Variants in PMS2 observed in about 807,000 individuals in gnomAD.
PMS2 encodes mismatch repair endonuclease PMS2.
Under a neutral mutation model 90.0 loss-of-function variants are expected in PMS2, and 69 were observed. The observed-to-expected ratio is 0.77, with a 90% confidence interval of 0.63 to 0.94. PMS2 has a LOEUF of 0.94. Ranked by LOEUF, PMS2 falls within the 40% of genes least tolerant of loss-of-function variation. The pLI is 0.00. For synonymous variants in PMS2, 332 were observed against 375.1 expected (o/e 0.89, Z 1.33); for missense variants, 966 against 1,040.2 (o/e 0.93, Z 0.98).
At chr7:5,999,693 G>C (rs1348041401) in intron 5 of PMS2, among the ~76,000 whole-genome samples, 4 of 152,132 alleles carry the variant, frequency 2.6e-5, no homozygotes, top group Non-Finnish European at 5.9e-5. Flanking sequence ...CTACTGAGGA[G>C]GCTGAGGTGG....
chr7:5,986,564 C>T (rs1782888755), intron 11 of PMS2, among the ~76,000 whole-genome samples, 195 bp downstream of exon 11: 1 of 150,370 alleles, frequency 6.7e-6, no homozygotes, highest in Non-Finnish European at 1.5e-5. Flanking sequence ...TGGTGGCGTG[C>T]ACCTGTAATC....
intron 2 of PMS2, 44 bp downstream of exon 2, chr7:6,005,848 A>G (rs1360516266): frequency 5.6e-6 from 9 of 1,610,074 alleles, no homozygotes; most frequent in African/African-American, 1.3e-5. Flanking sequence ...CTACAACAAC[A>G]TTCACAGATC....
At chr7:5,995,877 CA>C (rs1784342781) in intron 7 of PMS2, among the ~76,000 whole-genome samples, 1 of 152,130 alleles carries the variant, frequency 6.6e-6, no homozygotes, top group African/African-American at 2.4e-5. Flanking sequence ...GCAGTGCGTC[CA>C]AAACTGATGT....
intron 5 of PMS2, chr7:6,002,209 A>G (rs1178997080): frequency 5.0e-6 from 2 of 396,094 alleles, no homozygotes; most frequent in South Asian, 2.3e-5. Context: ...TTTTTTTAAA[A>G]TTTTTCATAG....
intron 1 of PMS2, among the ~76,000 whole-genome samples, chr7:6,007,115 G>A (rs28460012): frequency 4.0e-4 from 53 of 131,652 alleles, no homozygotes; most frequent in African/African-American, 1.4e-3. Flanking sequence ...TATTATTATT[G>A]TTATTATTGT....
chr7:6,002,639 G>A lies in PMS2; in HGVS notation c.354-3C>T, dbSNP rs587782632. On this transcript the variant is annotated splice_polypyrimidine_tract_variant and splice_region_variant and intron_variant, in intron 4 of 14. Coordinates refer to ENST00000265849, the MANE Select transcript of PMS2 (RefSeq NM_000535.7). Reference sequence around the variant, plus strand: ...GGCAGGTAGAAATGGTGACATCGCTGTGAGAGAATACCAGGCATGGTGTGT... The same window carrying A: ...GGCAGGTAGAAATGGTGACATCGCTATGAGAGAATACCAGGCATGGTGTGT... The A allele has an allele frequency of 1.9e-6, 3 of 1,609,420 alleles. No homozygotes were observed. The highest frequency in any genetic ancestry group is 2.2e-5 in the East Asian group (1 of 44,866).
chr7:6,005,659 G>A (rs527828138), intron 2 of PMS2, among the ~76,000 whole-genome samples: 15 of 152,124 alleles, frequency 9.9e-5, no homozygotes, highest in Non-Finnish European at 2.2e-4. Context: ...AAATATTTCT[G>A]TGCAATTCTT....
chr7:5,979,424 G>A lies in PMS2; in HGVS notation c.2175-728C>T, dbSNP rs983092177. Among the ~76,000 whole-genome samples the A allele has an allele frequency of 1.8e-4, 27 of 148,242 alleles. 1 individual carries two copies. Among genetic ancestry groups the A allele is most frequent in the Admixed American group, 1.6e-3 (24 of 14,958 alleles). ...AAAAAAAGTTCAAGTAGCTACAAAAGTAGTTTGCTTTTTCCTCAGCCTGCC... is the reference window on the plus strand; with the variant it reads ...AAAAAAAGTTCAAGTAGCTACAAAAATAGTTTGCTTTTTCCTCAGCCTGCC... On this transcript the variant is annotated intron_variant, in intron 12 of 14. Transcript: ENST00000265849.
At chr7:5,984,153 A>G (rs142127696) in intron 11 of PMS2, among the ~76,000 whole-genome samples, 2 of 151,932 alleles carry the variant, frequency 1.3e-5, no homozygotes, top group East Asian at 3.9e-4. Flanking sequence ...AGAACTACAT[A>G]TGTACTTCTT....
intron 8 of PMS2, among the ~76,000 whole-genome samples, chr7:5,993,387 A>AG (rs71008345): frequency 0.13 from 15,516 of 121,942 alleles, 794 homozygotes; most frequent in Middle Eastern, 0.16. Context: ...AAAAAAAAAA[A>AG]AAAGAAAGAA....
chr7:6,002,512 G>A lies in PMS2; in HGVS notation c.478C>T (p.Gln160Ter), dbSNP rs36038802. The part of the protein sequence containing the change: ...PRPRGTTVSV[Q>*]QLFSTLPVRH... The stretch of plus-strand genomic sequence containing the variant: ...ACAGGTAGTGTGGAAAATAACTGCT[G>A]CACGCTGACTGTGGTCCCTCTGGGG... Residue 160 changes from glutamine (Q) to a stop codon, truncating the protein, a stop_gained, in exon 5 of 15, where the codon CAG becomes TAG. Transcript: ENST00000265849. LOFTEE classifies it high-confidence loss of function. The A allele has an allele frequency of 6.2e-7, 1 of 1,611,612 alleles. No homozygotes were observed. Among genetic ancestry groups the A allele is most frequent in the Non-Finnish European group, 8.5e-7 (1 of 1,179,532 alleles).
At chr7:5,992,681 A>G in intron 8 of PMS2, among the ~76,000 whole-genome samples, 1 of 152,188 alleles carries the variant, frequency 6.6e-6, no homozygotes, top group Non-Finnish European at 1.5e-5. Flanking sequence ...AACTACACAT[A>G]TTTAAAGTGT....
chr7:6,008,965 G>T (rs1363928875), intron 1 of PMS2, 32 bp downstream of exon 1: 1 of 1,612,228 alleles, frequency 6.2e-7, no homozygotes, highest in African/African-American at 1.3e-5. Context: ...GCGCGCGAGA[G>T]GGGACACCGG....
intron 10 of PMS2, among the ~76,000 whole-genome samples, chr7:5,989,538 AG>A (rs1328454822): frequency 6.6e-6 from 1 of 151,954 alleles, no homozygotes; most frequent in African/African-American, 2.4e-5. Flanking sequence ...AAAAAACTAG[AG>A]GTACTTGGAG....
chr7:5,994,050 T>C (rs1456532640), intron 8 of PMS2, among the ~76,000 whole-genome samples: 4 of 151,846 alleles, frequency 2.6e-5, no homozygotes, highest in East Asian at 1.9e-4. Flanking sequence ...ATAATGTATA[T>C]ATGCAGATAC....
rs1339878885 is a variant in PMS2, at chr7:5,987,368, C to T, written c.1397G>A (p.Gly466Asp). ...SSTSGAISDK[G>D]VLRPQKEAVS... The stretch of plus-strand genomic sequence containing the variant: ...TGCCTCTTTCTGAGGTCTCAGGACG[C>T]CTTTGTCAGAGATGGCACCTGAAGT... The change falls in exon 11 of 15, where the codon GGC (glycine) becomes GAC (aspartate). Residue 466 changes from glycine (G) to aspartate (D), a missense_variant. Gly to Asp is a moderately conservative substitution (Grantham distance 94). Transcript: ENST00000265849. 1 of 1,614,204 alleles carries T rather than the reference C, an allele frequency of 6.2e-7. No homozygotes were observed. The highest frequency in any genetic ancestry group is 8.5e-7 in the Non-Finnish European group (1 of 1,180,040).
intron 11 of PMS2, 129 bp downstream of exon 11, chr7:5,986,630 T>C: frequency 1.5e-6 from 1 of 664,226 alleles, no homozygotes. Context: ...AGGTGGAGGC[T>C]GCAGTGAGCC....
At position 5,977,493 on chromosome 7, in the gene PMS2, C is replaced by CTA; in HGVS notation, c.2445+94_2445+95insTA. On this transcript the variant is annotated intron_variant, in intron 14 of 14. Coordinates refer to ENST00000265849, the MANE Select transcript of PMS2 (RefSeq NM_000535.7). ...AAATGACCCCTGGCAATCACAAAGG[C>CTA]GTTTACAACCTTGACCAAATCAGGA... The CTA allele has an allele frequency of 5.1e-6, 4 of 781,554 alleles. No homozygotes were observed. In the South Asian group the frequency reaches 6.2e-5, roughly 12 times the overall value. The allele number at this position is 781,554 out of a possible 1,614,324, so 48.4% of individuals were successfully genotyped here.
intron 11 of PMS2, among the ~76,000 whole-genome samples, chr7:5,984,801 G>C (rs1782683113): frequency 6.6e-6 from 1 of 151,370 alleles, no homozygotes; most frequent in African/African-American, 2.4e-5. Flanking sequence ...AAAAACAAAG[G>C]AGCTGATATT....
Sources: gnomAD v4.1 joint callset for allele counts (sites outside exome capture counted in the v4.1 genomes callset) on GRCh38, gnomAD v4.1.1 for gene constraint, MANE v1.5 for transcripts, NCBI Gene and HGNC (gene_info 2026-07-23, HGNC 2026-07-21) for gene names.